Variants in GRID1 observed in about 807,000 individuals in gnomAD.
The protein encoded by GRID1 is glutamate receptor ionotropic, delta-1.
A neutral mutation model predicts 98.0 loss-of-function variants in GRID1; 28 were observed. The observed-to-expected ratio is 0.29, with a 90% confidence interval of 0.21 to 0.39. The LOEUF (loss-of-function observed/expected upper bound fraction) is 0.39, where lower values mean the gene tolerates loss of function less well. GRID1 is among the 10% of genes least tolerant of loss of function. GRID1 has a pLI of 1.00. For missense variants in GRID1, 1,111 were observed against 1,340.5 expected (o/e 0.83, Z 2.67); for synonymous variants, 553 against 538.5 (o/e 1.03, Z -0.37).
intron 4 of GRID1, among the ~76,000 whole-genome samples, chr10:86,119,001 C>T (rs995702602): frequency 6.6e-6 from 1 of 151,978 alleles, no homozygotes; most frequent in African/African-American, 2.4e-5. Context: ...GGATAGGATC[C>T]TAAGACAAAC....
At chr10:85,882,327 T>A (rs1841043546) in intron 5 of GRID1, among the ~76,000 whole-genome samples, 1 of 152,190 alleles carries the variant, frequency 6.6e-6, no homozygotes, top group Non-Finnish European at 1.5e-5. Flanking sequence ...TGCACACGTA[T>A]GTTTATTTTG....
At chr10:85,908,442 G>T (rs761387370) in intron 5 of GRID1, among the ~76,000 whole-genome samples, 18 of 152,018 alleles carry the variant, frequency 1.2e-4, no homozygotes, top group Admixed American at 6.5e-5. Flanking sequence ...ATTTTCAGTA[G>T]CACTGACAAT....
intron 8 of GRID1, among the ~76,000 whole-genome samples, chr10:85,763,803 G>T (rs948183394): frequency 1.3e-5 from 2 of 152,172 alleles, no homozygotes; most frequent in African/African-American, 4.8e-5. Flanking sequence ...CTACAGACAA[G>T]TGAAGTAATT....
chr10:86,100,141 T>G (rs1051416919), intron 4 of GRID1, among the ~76,000 whole-genome samples: 1 of 152,170 alleles, frequency 6.6e-6, no homozygotes, highest in Non-Finnish European at 1.5e-5. Flanking sequence ...CTCAGCGCCT[T>G]ATCTCTGAAG....
chr10:85,644,899 C>G (rs1372509262), intron 13 of GRID1, among the ~76,000 whole-genome samples: 1 of 152,184 alleles, frequency 6.6e-6, no homozygotes. Flanking sequence ...TTTCACAGAT[C>G]ACTAATAATT....
chr10:85,979,431 G>A (rs950059288), intron 4 of GRID1, among the ~76,000 whole-genome samples: 11 of 152,160 alleles, frequency 7.2e-5, no homozygotes, highest in Admixed American at 3.9e-4. Flanking sequence ...TCTGGAGGAT[G>A]GAAATCTGAG....
At chr10:86,229,539 C>T (rs891324000) in intron 2 of GRID1, among the ~76,000 whole-genome samples, 4 of 152,150 alleles carry the variant, frequency 2.6e-5, no homozygotes, top group Non-Finnish European at 5.9e-5. Context: ...CACAGGGCAC[C>T]CTCTATGAGT....
At chr10:86,331,794 A>G (rs1848146124) in intron 2 of GRID1, among the ~76,000 whole-genome samples, 1 of 152,228 alleles carries the variant, frequency 6.6e-6, no homozygotes, top group African/African-American at 2.4e-5. Context: ...ACCTACTGCT[A>G]GTAACTGGTC....
chr10:85,727,920 C>T lies in GRID1; in HGVS notation c.1468G>A (p.Gly490Ser). The change falls in exon 10 of 16, where the codon GGC (glycine) becomes AGC (serine). Residue 490 changes from glycine (G) to serine (S), a missense_variant. Physicochemically the swap from Gly to Ser is moderately conservative, Grantham distance 56. This residue lies in a region of GRID1 where 762 missense variants were observed against 869.1 expected (regional missense o/e 0.88). Coordinates refer to ENST00000327946, the MANE Select transcript of GRID1 (RefSeq NM_017551.3). ...FKYEIYQAPD[G>S]RYGHQLHNTS... ...TTATGGAGCTGGTGACCGTACCTGC[C>T]ATCAGGGGCTTGGTAAATCTCATAT... 6.2e-7 allele frequency: 1 copy of T among 1,614,000 alleles called. No individual in the cohort carries two copies. The highest frequency in any genetic ancestry group is 8.5e-7 in the Non-Finnish European group (1 of 1,179,948).
intron 12 of GRID1, among the ~76,000 whole-genome samples, chr10:85,706,637 A>G (rs898471799): frequency 2.6e-5 from 4 of 152,206 alleles, no homozygotes; most frequent in African/African-American, 9.6e-5. Context: ...GAACCAAAAA[A>G]GAGCCCGCAT....
chr10:86,311,848 G>A (rs1488647297), intron 2 of GRID1, among the ~76,000 whole-genome samples: 1 of 152,364 alleles, frequency 6.6e-6, no homozygotes, highest in South Asian at 2.1e-4. Flanking sequence ...GGGCAACAGA[G>A]TGAGACCTTG....
chr10:85,665,112 C>T (rs1334240220), intron 12 of GRID1, among the ~76,000 whole-genome samples: 1 of 152,106 alleles, frequency 6.6e-6, no homozygotes, highest in Admixed American at 6.5e-5. Flanking sequence ...GGTAATTTCC[C>T]TTACAGGGTT....
chr10:86,211,973 A>C (rs572556978), intron 2 of GRID1, among the ~76,000 whole-genome samples: 1 of 152,288 alleles, frequency 6.6e-6, no homozygotes, highest in South Asian at 2.1e-4. Context: ...GTCTCCCCTG[A>C]AAGCAGATCC....
At chr10:86,329,912 C>T (rs1446620279) in intron 2 of GRID1, among the ~76,000 whole-genome samples, 2 of 152,188 alleles carry the variant, frequency 1.3e-5, no homozygotes, top group South Asian at 2.1e-4. Flanking sequence ...CAAGCATGAC[C>T]CACCCCAGAT....
chr10:85,667,640 G>A (rs568633883), intron 12 of GRID1, among the ~76,000 whole-genome samples: 1 of 152,248 alleles, frequency 6.6e-6, no homozygotes, highest in Non-Finnish European at 1.5e-5. Context: ...TCCTAACCGT[G>A]CTCCTGCACT....
chr10:86,126,280 C>T (rs545890399), intron 4 of GRID1, among the ~76,000 whole-genome samples: 1 of 152,208 alleles, frequency 6.6e-6, no homozygotes, highest in African/African-American at 2.4e-5. Flanking sequence ...ATAGCGAAAC[C>T]CCGTCTCTAC....
chr10:86,092,147 C>T (rs1844159288), intron 4 of GRID1, among the ~76,000 whole-genome samples: 2 of 152,072 alleles, frequency 1.3e-5, no homozygotes, highest in South Asian at 4.2e-4. Flanking sequence ...CCCAGATTTA[C>T]CTGAAAAAGA....
chr10:85,662,269 G>A (rs528117217), intron 12 of GRID1, among the ~76,000 whole-genome samples: 50 of 152,324 alleles, frequency 3.3e-4, no homozygotes, highest in African/African-American at 1.1e-3. Flanking sequence ...AACAAACAGG[G>A]ATACCTACAG....
intron 4 of GRID1, among the ~76,000 whole-genome samples, chr10:85,965,888 C>CAGG (rs1842330339): frequency 1.3e-5 from 2 of 152,214 alleles, no homozygotes; most frequent in Admixed American, 1.3e-4. Context: ...GTAAGAACAT[C>CAGG]AGGATTTATG....
Sources: gnomAD v4.1 joint callset for allele counts (sites outside exome capture counted in the v4.1 genomes callset) on GRCh38, gnomAD v4.1.1 for gene constraint, gnomAD v4.1.1 regional missense constraint, MANE v1.5 for transcripts, NCBI Gene and HGNC (gene_info 2026-07-23, HGNC 2026-07-21) for gene names.